FARS2: variants seen among roughly 807,000 people sequenced by gnomAD.
FARS2 encodes the protein phenylalanyl-tRNA synthetase 2, mitochondrial, also known as phenylalanine--tRNA ligase, mitochondrial.
A neutral mutation model predicts 46.4 loss-of-function variants in FARS2; 40 were observed. The observed-to-expected ratio is 0.86, with a 90% CI of 0.67 to 1.12. The LOEUF is 1.12. FARS2 is among the 50% of genes most tolerant of loss of function. The pLI is 0.00. For missense variants in FARS2, 513 were observed against 567.9 expected (o/e 0.90, Z 0.98); for synonymous variants, 234 against 214.9 (o/e 1.09, Z -0.78).
chr6:5,712,657 G>A (rs1759249458), intron 6 of FARS2, among the ~76,000 whole-genome samples: 1 of 152,216 alleles, frequency 6.6e-6, no homozygotes, highest in South Asian at 2.1e-4. Context: ...TCCAGCTAAG[G>A]CACGTCTGAT....
chr6:5,447,683 C>T (rs1371123274), intron 4 of FARS2, among the ~76,000 whole-genome samples: 1 of 152,090 alleles, frequency 6.6e-6, no homozygotes, highest in East Asian at 1.9e-4. Context: ...GAAAACAGTC[C>T]ATGTAGAAGT....
chr6:5,528,433 C>T (rs1769609222), intron 4 of FARS2, among the ~76,000 whole-genome samples: 1 of 152,206 alleles, frequency 6.6e-6, no homozygotes, highest in Non-Finnish European at 1.5e-5. Context: ...CTTCTTCTGT[C>T]ACCCCATAGA....
chr6:5,698,895 C>A (rs1425634014), intron 6 of FARS2, among the ~76,000 whole-genome samples: 1 of 152,174 alleles, frequency 6.6e-6, no homozygotes, highest in African/African-American at 2.4e-5. Flanking sequence ...TCTTCTCTCT[C>A]GGTTGTTCCT....
At chr6:5,363,171 C>T (rs1309447962) in intron 1 of FARS2, among the ~76,000 whole-genome samples, 1 of 151,984 alleles carries the variant, frequency 6.6e-6, no homozygotes, top group Non-Finnish European at 1.5e-5. Flanking sequence ...CATGCTCCAC[C>T]CACCTCGGCC....
chr6:5,516,765 A>G (rs1307359837), intron 4 of FARS2, among the ~76,000 whole-genome samples: 1 of 152,248 alleles, frequency 6.6e-6, no homozygotes, highest in Non-Finnish European at 1.5e-5. Context: ...TATCTTTGCA[A>G]TATAACTTTG....
intron 4 of FARS2, chr6:5,466,465 T>A (rs1235524344): frequency 1.1e-6 from 1 of 931,448 alleles, no homozygotes; most frequent in African/African-American, 1.8e-5. Context: ...ATTCCCAGGC[T>A]TAGCTCTGAA....
At chr6:5,639,830 C>T (rs1776722318) in intron 6 of FARS2, among the ~76,000 whole-genome samples, 1 of 152,186 alleles carries the variant, frequency 6.6e-6, no homozygotes, top group Non-Finnish European at 1.5e-5. Context: ...TGCTGCCTGT[C>T]ACATCCTGGG....
In FARS2 at chr6:5,530,286, C is replaced by T. The variant is rs761556744; in HGVS notation, c.905-14894C>T. On this transcript the variant is annotated intron_variant, in intron 4 of 6. Transcript: ENST00000274680. Reference sequence around the variant, plus strand: ...TTGAGGAACATTTCTATAAAACAAGCGGCCAGGATTCTCCAAAATGTCAAT... The same window carrying T: ...TTGAGGAACATTTCTATAAAACAAGTGGCCAGGATTCTCCAAAATGTCAAT... Among the ~76,000 whole-genome samples the T allele has an allele frequency of 7.5e-4, 114 of 152,024 alleles. 1 individual carries two copies. The highest frequency in any genetic ancestry group is 1.3e-3 in the Non-Finnish European group (90 of 67,968).
chr6:5,598,038 G>T lies in FARS2; in HGVS notation c.1066-15131G>T, dbSNP rs1774300663. 3.3e-5 allele frequency among the ~76,000 whole-genome samples: 5 copies of T among 152,028 alleles called. 1 individual carries two copies. In the South Asian group the frequency reaches 1.0e-3, roughly 32 times the overall value. ...CACCAAGAGTTTTCTTCCCCATCCT[G>T]TCTCCCTGCCACCCCTTTCCTTGCC... is the stretch of plus-strand genomic sequence containing the variant. On this transcript the variant is annotated intron_variant, in intron 5 of 6. Transcript: ENST00000274680.
At chr6:5,663,697 G>A (rs967885534) in intron 6 of FARS2, among the ~76,000 whole-genome samples, 1 of 152,190 alleles carries the variant, frequency 6.6e-6, no homozygotes, top group East Asian at 1.9e-4. Context: ...TTTGTCATTC[G>A]TCCCAGTCCA....
Position 5,602,670 on chromosome 6 carries a change from A to AAAAAGG in FARS2, c.1066-10499_1066-10498insAAAAGG, listed in dbSNP as rs1554114901. Among the ~76,000 whole-genome samples the AAAAAGG allele has an allele frequency of 5.5e-3, 757 of 137,452 alleles. 12 individuals carry two copies. Among genetic ancestry groups the AAAAAGG allele is most frequent in the East Asian group, 9.2e-3 (45 of 4,870 alleles). The allele number at this position is 137,452 out of a possible 152,430, so 90.2% of individuals were successfully genotyped here. A position where few individuals can be genotyped will look rare whatever the true frequency, so the allele number is the denominator to read the frequency against. ...CAAAAAAAAAAAAAAAAAAAAAAAA[A>AAAAAGG]GGGAACCTCCCAGGATTTTAACCTT... On this transcript the variant is annotated intron_variant, in intron 5 of 6. Coordinates refer to ENST00000274680, the MANE Select transcript of FARS2 (RefSeq NM_006567.5).
chr6:5,408,387 A>G (rs987026577), intron 3 of FARS2, among the ~76,000 whole-genome samples: 3 of 152,208 alleles, frequency 2.0e-5, no homozygotes, highest in Non-Finnish European at 4.4e-5. Flanking sequence ...TGACACAAGT[A>G]CTTGTGGAGA....
chr6:5,721,462 A>G (rs1333416232), intron 6 of FARS2, among the ~76,000 whole-genome samples: 1 of 152,234 alleles, frequency 6.6e-6, no homozygotes, highest in East Asian at 1.9e-4. Context: ...TGACTGATAT[A>G]ATTTTTCACT....
At position 5,545,306 on chromosome 6, in the gene FARS2, G is replaced by T; in HGVS notation, c.1031G>T (p.Cys344Phe). Residue 344 changes from cysteine (C) to phenylalanine (F), a missense_variant, in exon 5 of 7, where the codon TGT becomes TTT. Coordinates refer to ENST00000274680, the MANE Select transcript of FARS2 (RefSeq NM_006567.5). ...GACGAGCGCTTCCTGAAGCAGTTCT[G>T]TGTATCCAACATTAATCAGAAGGTG... ...CEDERFLKQF[C>F]VSNINQKVKF... 3 of 1,614,024 alleles carry T rather than the reference G, an allele frequency of 1.9e-6. No homozygotes were observed. Among genetic ancestry groups the T allele is most frequent in the South Asian group, 1.1e-5 (1 of 91,066 alleles).
At chr6:5,392,816 TATATA>T (rs1159696987) in intron 2 of FARS2, among the ~76,000 whole-genome samples, 2 of 140,300 alleles carry the variant, frequency 1.4e-5, no homozygotes, top group East Asian at 4.0e-4. Flanking sequence ...GTGTATATAT[TATATA>T]TGTATATATA....
At chr6:5,490,807 A>C (rs1280202695) in intron 4 of FARS2, among the ~76,000 whole-genome samples, 2 of 152,232 alleles carry the variant, frequency 1.3e-5, no homozygotes, top group African/African-American at 4.8e-5. Context: ...AGCCAGTGAG[A>C]AACTGGTACT....
chr6:5,500,713 G>C (rs76498191), intron 4 of FARS2, among the ~76,000 whole-genome samples: 1 of 152,074 alleles, frequency 6.6e-6, no homozygotes, highest in Non-Finnish European at 1.5e-5. Flanking sequence ...GTAAGCTGTA[G>C]CACCAATTTT....
chr6:5,341,221 ATATATATATATATATT>A lies in FARS2; in HGVS notation c.-21-27327_-21-27312del, dbSNP rs1771589598. Among the ~76,000 whole-genome samples the A allele has an allele frequency of 8.0e-4, 4 of 4,996 alleles. 1 individual carries two copies. Among genetic ancestry groups the A allele is most frequent in the African/African-American group, 3.2e-3 (4 of 1,260 alleles). The allele number at this position is 4,996 out of a possible 152,430, so 3.3% of individuals were successfully genotyped here. On this transcript the variant is annotated intron_variant, in intron 1 of 6. Coordinates refer to ENST00000274680, the MANE Select transcript of FARS2 (RefSeq NM_006567.5). ...TATATATATATATATATATATATAT[ATATATATATATATATT>A]TTTTTTTTTTTTTTTTTTTTCCCTG... is the stretch of plus-strand genomic sequence containing the variant.
rs150344172 is a variant in FARS2, at chr6:5,557,318, A to G, written c.1065+11978A>G. ...CTAAAACACTGAACATTTTAATCTC[A>G]GATTTGTCCTCTCAAGATTGAAGGA... On this transcript the variant is annotated intron_variant, in intron 5 of 6. Transcript: ENST00000274680. Among the ~76,000 whole-genome samples, 790 of 152,258 alleles carry G rather than the reference A, an allele frequency of 5.2e-3. 13 individuals are homozygous for G. Among genetic ancestry groups the G allele is most frequent in the Middle Eastern group, 0.034 (10 of 294 alleles).
Sources: allele counts gnomAD v4.1 joint callset (sites outside exome capture counted in the v4.1 genomes callset), GRCh38; gene constraint gnomAD v4.1.1; transcripts MANE v1.5; gene names NCBI Gene and HGNC (gene_info 2026-07-23, HGNC 2026-07-21).